Variants in FRMD3 observed in about 807,000 individuals in gnomAD.
FRMD3 encodes FERM domain-containing protein 3.
FRMD3 carries 33 observed loss-of-function variants against 70.2 expected under a neutral mutation model. The ratio of observed to expected loss-of-function variants is 0.47; its 90% CI spans 0.36 to 0.63. The LOEUF (loss-of-function observed/expected upper bound fraction) is 0.63. Among genes scored for constraint, FRMD3 ranks in the 20% least tolerant of loss-of-function variants. The pLI is 0.00. For missense variants in FRMD3, 632 were observed against 711.4 expected, an observed-to-expected ratio of 0.89 and a Z score of 1.27; for synonymous variants, 279 against 255.9, an observed-to-expected ratio of 1.09 and a Z score of -0.86.
chr9:83,296,423 T>C (rs1834663844), intron 12 of FRMD3, among the ~76,000 whole-genome samples: 1 of 152,220 alleles, frequency 6.6e-6, no homozygotes, highest in Non-Finnish European at 1.5e-5. Flanking sequence ...TATTGACCTC[T>C]ACTATGTGGC....
At chr9:83,374,397 A>T in intron 2 of FRMD3, among the ~76,000 whole-genome samples, 1 of 74,874 alleles carries the variant, frequency 1.3e-5, no homozygotes, top group Non-Finnish European at 3.0e-5. Context: ...AAAAAAACAT[A>T]TATTTACCCC....
chr9:83,482,229 G>A (rs1293482176), intron 1 of FRMD3, among the ~76,000 whole-genome samples: 1 of 152,194 alleles, frequency 6.6e-6, no homozygotes, highest in African/African-American at 2.4e-5. Context: ...TGAAAACTTT[G>A]AAGAATATTT....
chr9:83,375,450 C>A (rs986137576), intron 2 of FRMD3, among the ~76,000 whole-genome samples: 4 of 152,242 alleles, frequency 2.6e-5, no homozygotes, highest in Admixed American at 2.6e-4. Flanking sequence ...GATCTCTACA[C>A]ACTTTTCCAG....
At chr9:83,580,336 A>C in the FRMD3 span, among the ~76,000 whole-genome samples, 34 of 152,104 alleles carry the variant, frequency 2.2e-4, no homozygotes, top group Non-Finnish European at 3.2e-4. Context: ...GTACTCCCAT[A>C]CTCCCAATAG....
chr9:83,392,867 G>A (rs1012057510), intron 1 of FRMD3, among the ~76,000 whole-genome samples: 1 of 152,108 alleles, frequency 6.6e-6, no homozygotes, highest in African/African-American at 2.4e-5. Flanking sequence ...TCAGACTTTT[G>A]TTGATTCTCC....
intron 13 of FRMD3, among the ~76,000 whole-genome samples, chr9:83,269,070 G>A (rs940291332): frequency 6.6e-6 from 1 of 152,144 alleles, no homozygotes; most frequent in African/African-American, 2.4e-5. Flanking sequence ...GGACACTGAA[G>A]AACAAATCTG....
chr9:83,408,224 A>G (rs1281916804), intron 1 of FRMD3, among the ~76,000 whole-genome samples: 1 of 152,244 alleles, frequency 6.6e-6, no homozygotes, highest in Non-Finnish European at 1.5e-5. Flanking sequence ...AATGTGCCAC[A>G]GGGGAATAAA....
chr9:83,500,500 G>GCACACACA (rs377538475), intron 1 of FRMD3, among the ~76,000 whole-genome samples: 13,629 of 136,560 alleles, frequency 0.1, 876 homozygotes, highest in Middle Eastern at 0.15. Context: ...GCGTGTATGC[G>GCACACACA]CGCACACACA....
chr9:83,344,031 C>T (rs1041128197), intron 4 of FRMD3, among the ~76,000 whole-genome samples: 1 of 152,220 alleles, frequency 6.6e-6, no homozygotes, highest in Non-Finnish European at 1.5e-5. Flanking sequence ...CCAGTTTTTC[C>T]AGAAAAATAG....
chr9:83,491,593 T>C (rs1828826892), intron 1 of FRMD3, among the ~76,000 whole-genome samples: 1 of 152,172 alleles, frequency 6.6e-6, no homozygotes, highest in African/African-American at 2.4e-5. Flanking sequence ...GAGTCACTTG[T>C]CTGGAAGATT....
intron 6 of FRMD3, among the ~76,000 whole-genome samples, chr9:83,331,405 T>C (rs138169467): frequency 2.0e-5 from 3 of 152,270 alleles, no homozygotes; most frequent in Non-Finnish European, 2.9e-5. Context: ...GCAAAAGCTA[T>C]AGAGACAGTA....
intron 1 of FRMD3, among the ~76,000 whole-genome samples, chr9:83,491,638 C>G (rs948822066): frequency 3.9e-5 from 6 of 152,090 alleles, no homozygotes; most frequent in Admixed American, 2.6e-4. Flanking sequence ...TTTTGGTGAC[C>G]CTGTCCTTCC....
chr9:83,357,281 A>AT (rs1564032905), intron 3 of FRMD3, among the ~76,000 whole-genome samples: 8 of 65,274 alleles, frequency 1.2e-4, no homozygotes, highest in South Asian at 4.5e-4. Context: ...ATATATATAT[A>AT]TATATATATA....
intron 3 of FRMD3, among the ~76,000 whole-genome samples, chr9:83,362,177 CT>C (rs2131225705): frequency 2.0e-4 from 1 of 5,116 alleles, no homozygotes; most frequent in Admixed American, 2.1e-3. Flanking sequence ...GCTGTTGGTT[CT>C]CTCTCTCTCT....
rs570171268 is a variant in FRMD3, at chr9:83,334,434, G to A, written c.596+1082C>T. ...CTTCCCAGACTCACCAGTAGGGGGC[G>A]CGCCTGCATAAAGGAGGGAGCTAGA... On this transcript the variant is annotated intron_variant, in intron 6 of 13. Coordinates refer to ENST00000304195, the MANE Select transcript of FRMD3 (RefSeq NM_174938.6). Among the ~76,000 whole-genome samples the A allele has an allele frequency of 1.0e-3, 153 of 152,250 alleles. 1 individual carries two copies. The highest frequency in any genetic ancestry group is 3.6e-3 in the African/African-American group (148 of 41,532).
chr9:83,541,287 T>G (rs545777825), upstream of FRMD3, among the ~76,000 whole-genome samples: 4 of 152,378 alleles, frequency 2.6e-5, no homozygotes, highest in African/African-American at 7.2e-5. Flanking sequence ...TATGTGTGAA[T>G]AAACCTGAAT....
At chr9:83,434,782 G>C (rs1827083537) in intron 1 of FRMD3, among the ~76,000 whole-genome samples, 1 of 147,790 alleles carries the variant, frequency 6.8e-6, no homozygotes, top group South Asian at 2.1e-4. Context: ...AACAGAAGAT[G>C]CCAACATCTG....
chr9:83,438,158 A>C (rs201639031), intron 1 of FRMD3, among the ~76,000 whole-genome samples: 7 of 152,286 alleles, frequency 4.6e-5, no homozygotes, highest in East Asian at 1.9e-4. Context: ...GATTTTCCCC[A>C]AAAAAAGAAA....
chr9:83,417,162 A>C (rs1372619395), intron 1 of FRMD3, among the ~76,000 whole-genome samples: 1 of 152,258 alleles, frequency 6.6e-6, no homozygotes, highest in Non-Finnish European at 1.5e-5. Context: ...CTTTTGGTCC[A>C]ACAGCTTTCT....
Sources: gnomAD v4.1 joint callset for allele counts (sites outside exome capture counted in the v4.1 genomes callset) on GRCh38, gnomAD v4.1.1 for gene constraint, MANE v1.5 for transcripts, NCBI Gene and HGNC (gene_info 2026-07-23, HGNC 2026-07-21) for gene names.